Variants in ECE2 observed in about 807,000 individuals in gnomAD.
ECE2 encodes endothelin converting enzyme 2.
A neutral mutation model predicts 100.6 loss-of-function variants in ECE2; 81 were observed. The observed-to-expected ratio is 0.81, with a 90% CI of 0.67 to 0.97. The LOEUF is 0.97. ECE2 is among the 50% of genes least tolerant of loss of function. The pLI, the probability that ECE2 is intolerant of heterozygous loss-of-function variation, is 0.00. For synonymous variants in ECE2, 391 were observed against 391.5 expected (o/e 1.00, Z 0.02); for missense variants, 911 against 988.1 (o/e 0.92, Z 1.05).
chr3:184,284,516 T>C (rs1720947698), intron 8 of ECE2, among the ~76,000 whole-genome samples: 1 of 139,960 alleles, frequency 7.1e-6, no homozygotes, highest in African/African-American at 2.7e-5. Context: ...CACTCCAGCT[T>C]GGGTGACAAG....
At chr3:184,288,035 G>A (rs2031696076) in intron 11 of ECE2, 88 bp downstream of exon 11, 1 of 1,267,492 alleles carries the variant, frequency 7.9e-7, no homozygotes, top group Admixed American at 2.0e-5. Context: ...CGGGAGCCAG[G>A]CGCGGTGGCT....
chr3:184,284,524 A>G (rs1248509627), intron 8 of ECE2, among the ~76,000 whole-genome samples: 1 of 148,858 alleles, frequency 6.7e-6, no homozygotes, highest in Admixed American at 6.6e-5. Flanking sequence ...CTTGGGTGAC[A>G]AGAGCGAAAC....
At chr3:184,288,250 C>T (rs1721150623) in intron 11 of ECE2, among the ~76,000 whole-genome samples, 1 of 138,166 alleles carries the variant, frequency 7.2e-6, no homozygotes, top group African/African-American at 2.7e-5. Flanking sequence ...GCGGAGGTTG[C>T]AGTGAGCCGA....
chr3:184,290,568 C>A lies in ECE2; in HGVS notation c.1667C>A (p.Thr556Asn), dbSNP rs769419512. Residue 556 changes from threonine to asparagine, a missense_variant, in exon 15 of 19, where the codon ACC (threonine) becomes AAC (asparagine). Physicochemically the swap from Thr to Asn is moderately conservative, Grantham distance 65 (BLOSUM62 0). Transcript: ENST00000404464. ...TCTTCCTCCGCCAGGTGGAGCATGA[C>A]CCCCCAGACAGTGAATGCCTACTAC... ...KPPSRDQWSM[T>N]PQTVNAYYLP... 6.2e-7 allele frequency: 1 copy of A among 1,613,882 alleles called. No homozygotes were observed. Among genetic ancestry groups the A allele is most frequent in the Non-Finnish European group, 8.5e-7 (1 of 1,179,816 alleles).
In ECE2 at chr3:184,289,024, G is replaced by A. The variant is rs893197099; in HGVS notation, c.1375-413G>A. On this transcript the variant is annotated intron_variant, in intron 11 of 18. Transcript: ENST00000404464. This position sits in a 1 kb window ranked among gnomAD's most constrained non-coding sequence, Gnocchi z 4.1. Reference sequence around the variant, plus strand: ...ACAAAAATTACCCGGGCATGATGGCGGGAGCCTGTAATCCTAGCTACTTGG... The same window carrying A: ...ACAAAAATTACCCGGGCATGATGGCAGGAGCCTGTAATCCTAGCTACTTGG... Among the ~76,000 whole-genome samples the A allele has an allele frequency of 1.3e-5, 2 of 151,898 alleles. No individual in the cohort carries two copies. Among genetic ancestry groups the A allele is most frequent in the Non-Finnish European group, 2.9e-5 (2 of 67,996 alleles).
chr3:184,283,561 C>CAAAAAAAAAA (rs35761542), intron 7 of ECE2, among the ~76,000 whole-genome samples: 8 of 53,104 alleles, frequency 1.5e-4, no homozygotes, highest in Admixed American at 3.0e-4. Context: ...GACTCCATCT[C>CAAAAAAAAAA]AAAAAAAAAA....
At position 184,287,847 on chromosome 3, in the gene ECE2, C is replaced by T. The variant is rs752611076; in HGVS notation, c.1274C>T (p.Pro425Leu). ...TTTGTCCTTTAACAGTCCTGTGTGC[C>T]GAGGTGGCAGACCTGCATCTCCAAC... ...TLYGTKKSCV[P>L]RWQTCISNTD... The change falls in exon 11 of 19, where the codon CCG becomes CTG. Residue 425 changes from proline to leucine, a missense_variant. Transcript: ENST00000404464. 5.1e-5 allele frequency: 82 copies of T among 1,613,950 alleles called. No homozygotes were observed. Among genetic ancestry groups the T allele is most frequent in the Non-Finnish European group, 6.3e-5 (74 of 1,179,968 alleles).
chr3:184,276,554 C>G lies in ECE2; in HGVS notation c.113C>G (p.Pro38Arg). 11 of 1,610,638 alleles carry G rather than the reference C, an allele frequency of 6.8e-6. No homozygotes were observed. The highest frequency in any genetic ancestry group is 9.3e-6 in the Non-Finnish European group (11 of 1,179,216). ...ACCCCCGTAGAGGGCGGGGCCTCCC[C>G]GGACGCCATGGAGGTGGGCAAGGGG... is the stretch of plus-strand genomic sequence containing the variant. ...PETPVEGGASPDAMEVGFQKG... is the reference protein window; with the variant it reads ...PETPVEGGASRDAMEVGFQKG... The change falls in exon 2 of 19, where the codon CCG (proline) becomes CGG (arginine). Residue 38 changes from proline (P) to arginine (R), a missense_variant. Coordinates refer to ENST00000404464, the MANE Select transcript of ECE2 (RefSeq NM_001100121.2).
chr3:184,287,956 A>C lies in ECE2; in HGVS notation c.1374+9A>C. On this transcript the variant is annotated intron_variant, in intron 11 of 18. Transcript: ENST00000404464. Reference sequence around the variant, plus strand: ...GGCAAAGCAAAGAAATTGTGAGTCTACAAGATTCTTTCAACACTATGCCCT... The same window carrying C: ...GGCAAAGCAAAGAAATTGTGAGTCTCCAAGATTCTTTCAACACTATGCCCT... 6.2e-7 allele frequency: 1 copy of C among 1,612,526 alleles called. No homozygotes were observed. The highest frequency in any genetic ancestry group is 1.7e-5 in the Admixed American group (1 of 60,012).
chr3:184,287,883 C>A lies in ECE2; in HGVS notation c.1310C>A (p.Ala437Asp). The A allele has an allele frequency of 6.2e-7, 1 of 1,614,214 alleles. No homozygotes were observed. Among genetic ancestry groups the A allele is most frequent in the Non-Finnish European group, 8.5e-7 (1 of 1,180,038 alleles). ...ACCTGCATCTCCAACACGGATGACG[C>A]CCTTGGCTTTGCTTTGGGGTCCCTC... is the stretch of plus-strand genomic sequence containing the variant. ...WQTCISNTDD[A>D]LGFALGSLFV... Residue 437 changes from alanine (A) to aspartate (D), a missense_variant, in exon 11 of 19, where the codon GCC becomes GAC. Ala to Asp is a moderately radical substitution (Grantham distance 126). Coordinates refer to ENST00000404464, the MANE Select transcript of ECE2 (RefSeq NM_001100121.2).
rs1229024277 is a variant in ECE2 at position 184,291,797 on chromosome 3, C to T, written c.2122-265C>T. On this transcript the variant is annotated intron_variant, in intron 18 of 18. Coordinates refer to ENST00000404464, the MANE Select transcript of ECE2 (RefSeq NM_001100121.2). This position sits in a 1 kb window ranked among gnomAD's most constrained non-coding sequence, Gnocchi z 4.1. ...AGCTCGGGACGCAGAGTGGCCTGTC[C>T]AGGGCTGCCCAGGAATAGAGTAAGT... 1.1e-5 allele frequency: 6 copies of T among 548,672 alleles called. No homozygotes were observed. Among genetic ancestry groups the T allele is most frequent in the East Asian group, 2.9e-5 (1 of 34,642 alleles). 34.0% of individuals were successfully genotyped at this position (548,672 alleles called of 1,614,324 possible).
chr3:184,277,612 G>A, intron 4 of ECE2, 146 bp downstream of exon 4: 1 of 974,012 alleles, frequency 1.0e-6, no homozygotes, highest in Non-Finnish European at 1.5e-6. Flanking sequence ...GCAGAGAGCA[G>A]GGGACTATTG....
chr3:184,277,798 C>G, intron 4 of ECE2, 127 bp from the exon 5 acceptor site: 1 of 1,438,744 alleles, frequency 7.0e-7, no homozygotes, highest in South Asian at 1.3e-5. Context: ...GTTTCAGACA[C>G]TCTTCCTGGG....
At chr3:184,290,754 C>T (rs755616378) in intron 15 of ECE2, 39 bp from the exon 16 acceptor site, 1 of 1,613,110 alleles carries the variant, frequency 6.2e-7, no homozygotes, top group South Asian at 1.1e-5. Context: ...TTCAGAAGTA[C>T]CCCCGCCATG....
Position 184,289,617 on chromosome 3 carries a change from A to G in ECE2, c.1474-24A>G. 6.2e-7 allele frequency: 1 copy of G among 1,613,692 alleles called. No homozygotes were observed. The highest frequency in any genetic ancestry group is 8.5e-7 in the Non-Finnish European group (1 of 1,179,630). On this transcript the variant is annotated intron_variant, in intron 12 of 18. Coordinates refer to ENST00000404464, the MANE Select transcript of ECE2 (RefSeq NM_001100121.2). This position sits in a 1 kb window ranked among gnomAD's most constrained non-coding sequence, Gnocchi z 4.1. ...TTGCTAGGAACCTGGGGAAGGAAAC[A>G]AACCCTTAACCTGGTCTCTTCAGGC... is the stretch of plus-strand genomic sequence containing the variant.
rs10608428 is a variant in ECE2, at chr3:184,288,309, CAAAAA to C, written c.1374+380_1374+384del. Among the ~76,000 whole-genome samples the C allele has an allele frequency of 4.4e-5, 4 of 91,472 alleles. 1 individual carries two copies. The highest frequency in any genetic ancestry group is 1.8e-4 in the African/African-American group (4 of 22,662). 60.0% of individuals were successfully genotyped at this position (91,472 alleles called of 152,430 possible). A position where few individuals can be genotyped will look rare whatever the true frequency, so the allele number is the denominator to read the frequency against. On this transcript the variant is annotated intron_variant, in intron 11 of 18. Coordinates refer to ENST00000404464, the MANE Select transcript of ECE2 (RefSeq NM_001100121.2). ...TGGGCGACAGAGCAAAACTCTGTCT[CAAAAA>C]AAAAAAAAAAAAAAAAAGAAAAGAA...
intron 7 of ECE2, among the ~76,000 whole-genome samples, chr3:184,283,074 T>C (rs1289119699): frequency 6.6e-6 from 1 of 152,066 alleles, no homozygotes; most frequent in Admixed American, 6.6e-5. Flanking sequence ...CTGGGACAAC[T>C]AGCAGGGATC....
chr3:184,285,177 C>T, intron 9 of ECE2, 72 bp downstream of exon 9: 1 of 1,550,350 alleles, frequency 6.5e-7, no homozygotes, highest in Non-Finnish European at 8.7e-7. Context: ...ATGGACAGGC[C>T]CAGCCACACA....
chr3:184,291,612 C>T lies in ECE2; in HGVS notation c.2121+173C>T. On this transcript the variant is annotated intron_variant, in intron 18 of 18. Transcript: ENST00000404464. The surrounding 1 kb of genome is among the most constrained non-coding windows in gnomAD (Gnocchi z 4.1). Reference sequence around the variant, plus strand: ...CCCAGAGCCTCCGGCCAGCCAGGGCCCACAAAGGCAGCCTGAAGAGGCCTG... The same window carrying T: ...CCCAGAGCCTCCGGCCAGCCAGGGCTCACAAAGGCAGCCTGAAGAGGCCTG... 1.6e-6 allele frequency: 1 copy of T among 624,198 alleles called. No individual in the cohort carries two copies. Among genetic ancestry groups the T allele is most frequent in the South Asian group, 2.8e-5 (1 of 36,160 alleles). 38.7% of individuals were successfully genotyped at this position (624,198 alleles called of 1,614,324 possible). A position where few individuals can be genotyped will look rare whatever the true frequency, so the allele number is the denominator to read the frequency against.
Sources: allele counts gnomAD v4.1 joint callset (sites outside exome capture counted in the v4.1 genomes callset), GRCh38; gene constraint gnomAD v4.1.1; non-coding constraint Gnocchi (gnomAD v3.1); transcripts MANE v1.5; gene names NCBI Gene and HGNC (gene_info 2026-07-23, HGNC 2026-07-21).